CACNA1B: variants seen among roughly 807,000 people sequenced by gnomAD.
CACNA1B encodes the protein voltage-dependent N-type calcium channel subunit alpha-1B.
A neutral mutation model predicts 247.2 loss-of-function variants in CACNA1B; 70 were observed. That is an observed-to-expected ratio of 0.28 (90% CI 0.23 to 0.35). CACNA1B has a LOEUF of 0.35. Among genes scored for constraint, CACNA1B ranks in the 10% least tolerant of loss-of-function variants. The probability of loss-of-function intolerance (pLI) is 1.00; values close to 1 mark genes in which losing one functional copy is unlikely to be tolerated. For synonymous variants in CACNA1B, 1,231 were observed against 1,294.4 expected, an observed-to-expected ratio of 0.95 and a Z score of 1.05; for missense variants, 2,367 against 3,197.4, an observed-to-expected ratio of 0.74 and a Z score of 6.26.
rs200830467 is a variant in CACNA1B, at chr9:138,058,724, G to A, written c.4464G>A (p.Leu1488=). 12 of 1,604,682 alleles carry A rather than the reference G, an allele frequency of 7.5e-6. No individual in the cohort carries two copies. The highest frequency in any genetic ancestry group is 3.4e-5 in the Admixed American group (2 of 58,438). ...MAMIALNTVV[L]MMKFYDAPYE... ...TGATAGCCCTCAACACTGTGGTGCT[G>A]ATGATGAAGGTGTGTGGGGCTCAGC... The change falls in exon 29 of 47, where the codon CTG becomes CTA. Residue 1488 remains leucine (L), a synonymous_variant. Transcript: ENST00000371372. The surrounding 1 kb of genome is among the most constrained non-coding windows in gnomAD (Gnocchi z 4.7).
In CACNA1B at chr9:137,913,126, T is replaced by C. The variant is rs953226229; in HGVS notation, c.531-54T>C. 3 of 1,419,138 alleles carry C rather than the reference T, an allele frequency of 2.1e-6. No individual in the cohort carries two copies. Among genetic ancestry groups the C allele is most frequent in the Admixed American group, 1.7e-5 (1 of 58,558 alleles). The allele number at this position is 1,419,138 out of a possible 1,614,324, so 87.9% of individuals were successfully genotyped here. The stretch of plus-strand genomic sequence containing the variant: ...CTGGTGGTGGGAGGAGTGTGTCCTC[T>C]TCCAGGCTCAATGTGGAAACCTTTA... On this transcript the variant is annotated intron_variant, in intron 3 of 46. Transcript: ENST00000371372. This position sits in a 1 kb window ranked among gnomAD's most constrained non-coding sequence, Gnocchi z 5.2.
intron 36 of CACNA1B, among the ~76,000 whole-genome samples, chr9:138,088,959 C>CAAAAA (rs56112600): frequency 1.6e-3 from 101 of 61,388 alleles, no homozygotes; most frequent in East Asian, 2.4e-3. Context: ...AACTCCGTCT[C>CAAAAA]AAAAAAAAAA....
At position 138,023,509 on chromosome 9, in the gene CACNA1B, CT is replaced by C; in HGVS notation, c.2767del (p.Ser923ProfsTer86). 9.3e-7 allele frequency: 1 copy of C among 1,072,648 alleles called. No homozygotes were observed. The highest frequency in any genetic ancestry group is 1.1e-6 in the Non-Finnish European group (1 of 890,954). 66.4% of individuals were successfully genotyped at this position (1,072,648 alleles called of 1,614,324 possible). A position where few individuals can be genotyped will look rare whatever the true frequency, so the allele number is the denominator to read the frequency against. On this transcript the variant is annotated frameshift_variant, in exon 19 of 47. Transcript: ENST00000371372. LOFTEE classifies it high-confidence loss of function. Reference sequence around the variant, plus strand: ...GCGGCCGGCGGCACCACCGGCGCGGCTCCCCGGAGGAGGCGGCCGAGCGGGA... The same window carrying C: ...GCGGCCGGCGGCACCACCGGCGCGGCCCCCGGAGGAGGCGGCCGAGCGGGA... Reference protein sequence around the residue: ...EGGRRHHRRGSPEEAAEREPR... With the variant: ...EGGRRHHRRGXPEEAAEREPR...
intron 8 of CACNA1B, among the ~76,000 whole-genome samples, chr9:137,956,177 CA>C (rs1157691140): frequency 1.3e-5 from 2 of 152,212 alleles, no homozygotes; most frequent in Non-Finnish European, 2.9e-5. Flanking sequence ...GGCATCCACT[CA>C]CACCTCCTAA....
At chr9:138,040,173 A>G (rs1347907362) in intron 20 of CACNA1B, among the ~76,000 whole-genome samples, 1 of 152,084 alleles carries the variant, frequency 6.6e-6, no homozygotes, top group African/African-American at 2.4e-5. Context: ...TCCTGGGCTC[A>G]AGTGATCCAC....
chr9:137,963,005 T>C (rs1362266113), intron 10 of CACNA1B, among the ~76,000 whole-genome samples: 1 of 152,222 alleles, frequency 6.6e-6, no homozygotes, highest in Non-Finnish European at 1.5e-5. Flanking sequence ...ATTGTTATTG[T>C]GTGAGAGTCT....
intron 20 of CACNA1B, among the ~76,000 whole-genome samples, chr9:138,031,381 T>C (rs1195280266): frequency 1.3e-5 from 2 of 152,228 alleles, no homozygotes; most frequent in African/African-American, 4.8e-5. Flanking sequence ...GAACATGTTC[T>C]GTATTATTTC....
chr9:138,028,360 G>A (rs1208022882), intron 20 of CACNA1B, among the ~76,000 whole-genome samples: 1 of 152,100 alleles, frequency 6.6e-6, no homozygotes, highest in Non-Finnish European at 1.5e-5. Flanking sequence ...AATGTGTTAT[G>A]TGTCCGCTAA....
chr9:138,074,151 T>G, intron 34 of CACNA1B, 85 bp downstream of exon 34: 1 of 959,524 alleles, frequency 1.0e-6, no homozygotes, highest in South Asian at 1.3e-5. Flanking sequence ...TGTCAAATCA[T>G]CGTCATAATC....
In CACNA1B at chr9:137,888,307, G is replaced by A. The variant is rs10867085; in HGVS notation, c.530+5424G>A. Among the ~76,000 whole-genome samples, 31,280 of 151,364 alleles carry A rather than the reference G, an allele frequency of 0.21. 3,647 individuals carry two copies. Among genetic ancestry groups the A allele is most frequent in the East Asian group, 0.38 (1,888 of 5,032 alleles). ...CCTTCCGTGCCCCAGCCAGTCTCAC[G>A]TGCATCCACGCTCCCAGTCCTGTCC... is the stretch of plus-strand genomic sequence containing the variant. On this transcript the variant is annotated intron_variant, in intron 3 of 46. Coordinates refer to ENST00000371372, the MANE Select transcript of CACNA1B (RefSeq NM_000718.4). The surrounding 1 kb of genome is among the most constrained non-coding windows in gnomAD (Gnocchi z 4.7).
intron 6 of CACNA1B, among the ~76,000 whole-genome samples, chr9:137,947,530 T>C (rs531180763): frequency 2.0e-5 from 3 of 152,306 alleles, no homozygotes; most frequent in African/African-American, 7.2e-5. Context: ...TTTTACACTT[T>C]CCATTTTTCT....
rs531639363 is a variant in CACNA1B, at chr9:137,976,370, G to C, written c.1656+351G>C. Among the ~76,000 whole-genome samples the C allele has an allele frequency of 6.6e-5, 10 of 152,384 alleles. No homozygotes were observed. The South Asian group carries it at 1.9e-3, about 28-fold the overall frequency. The stretch of plus-strand genomic sequence containing the variant: ...TCAGTCTCTCCCCAGTGGAGCTCAG[G>C]GGGGCTCTGGCCCTGGGCAGGCTTG... On this transcript the variant is annotated intron_variant, in intron 12 of 46. Transcript: ENST00000371372.
Position 138,118,666 on chromosome 9 carries a change from G to A in CACNA1B, c.5928G>A (p.Gln1976=). Residue 1976 remains glutamine (Q), a synonymous_variant, in exon 44 of 47, where the codon CAG becomes CAA. Coordinates refer to ENST00000371372, the MANE Select transcript of CACNA1B (RefSeq NM_000718.4). ...TGTATCCACAGGCTGTGGACGTTCA[G>A]ATGCAGAGCATAACCCGGAGGGGCC... ...GRSGALAVDV[Q]MQSITRRGPD... is the part of the protein sequence containing the mutation. 1 of 1,548,550 alleles carries A rather than the reference G, an allele frequency of 6.5e-7. No individual in the cohort carries two copies. The highest frequency in any genetic ancestry group is 1.2e-5 in the South Asian group (1 of 84,842).
At chr9:137,967,639 C>T (rs1266985873) in intron 10 of CACNA1B, among the ~76,000 whole-genome samples, 1 of 152,178 alleles carries the variant, frequency 6.6e-6, no homozygotes, top group Non-Finnish European at 1.5e-5. Flanking sequence ...TCTCAGGTGC[C>T]CTTCCTTGTT....
chr9:138,093,693 TCACGCCACTG>T (rs1368186976), intron 36 of CACNA1B, among the ~76,000 whole-genome samples: 1 of 151,612 alleles, frequency 6.6e-6, no homozygotes, highest in Non-Finnish European at 1.5e-5. Context: ...TGACCTGAGA[TCACGCCACTG>T]CACTCCAGCC....
chr9:137,949,342 AGTGT>A (rs370983302), intron 6 of CACNA1B, among the ~76,000 whole-genome samples: 94 of 4,740 alleles, frequency 0.02, 1 homozygote, highest in Admixed American at 0.06. Context: ...GTAGGTGTGT[AGTGT>A]GTGTGTGTTT....
intron 5 of CACNA1B, among the ~76,000 whole-genome samples, chr9:137,915,590 AG>A (rs1386470341): frequency 6.6e-6 from 1 of 152,122 alleles, no homozygotes. Flanking sequence ...TTTTAGAAAA[AG>A]GTTTTACTAG....
chr9:137,960,268 G>T, intron 10 of CACNA1B, among the ~76,000 whole-genome samples: 1 of 147,476 alleles, frequency 6.8e-6, no homozygotes, highest in East Asian at 2.0e-4. Context: ...GACACCCGGA[G>T]AGAAGGGAGG....
intron 36 of CACNA1B, 117 bp downstream of exon 36, chr9:138,078,375 TC>T: frequency 1.0e-6 from 1 of 1,003,628 alleles, no homozygotes; most frequent in Non-Finnish European, 1.5e-6. Flanking sequence ...AGAAGCTGAG[TC>T]CATGCTGATG....
Sources: gnomAD v4.1 joint callset for allele counts (sites outside exome capture counted in the v4.1 genomes callset) on GRCh38, gnomAD v4.1.1 for gene constraint, Gnocchi (gnomAD v3.1) non-coding constraint, MANE v1.5 for transcripts, NCBI Gene and HGNC (gene_info 2026-07-23, HGNC 2026-07-21) for gene names.